Variants in ULK4 observed in about 807,000 individuals in gnomAD.
ULK4 encodes the protein unc-51 like kinase 4.
ULK4 carries 133 observed loss-of-function variants against 160.6 expected under a neutral mutation model. The ratio of observed to expected loss-of-function variants is 0.83; its 90% CI spans 0.72 to 0.96. ULK4 has a LOEUF of 0.96. ULK4 is among the 40% of genes least tolerant of loss of function. The pLI is 0.00. For synonymous variants in ULK4, 534 were observed against 539.8 expected, an observed-to-expected ratio of 0.99 and a Z score of 0.15; for missense variants, 1,580 against 1,499.5, an observed-to-expected ratio of 1.05 and a Z score of -0.89.
chr3:41,927,315 C>T (rs1205551450), intron 5 of ULK4, among the ~76,000 whole-genome samples: 1 of 152,162 alleles, frequency 6.6e-6, no homozygotes, highest in African/African-American at 2.4e-5. Flanking sequence ...CTTCTCACAA[C>T]CAGGCCTGCC....
rs1021107721 is a variant in ULK4, at chr3:41,666,402, T to C, written c.2979-2703A>G. 8.5e-5 allele frequency among the ~76,000 whole-genome samples: 13 copies of C among 152,208 alleles called. No homozygotes were observed. The East Asian group carries it at 2.5e-3, about 29-fold the overall frequency. ...CAGTCAAGGACCAGTTTCTTTAGAA[T>C]GTGCAAAGTCTGAACACCCTACACA... On this transcript the variant is annotated intron_variant, in intron 29 of 36. Transcript: ENST00000301831.
At chr3:41,788,350 AGT>A (rs998378783) in intron 21 of ULK4, among the ~76,000 whole-genome samples, 2 of 152,216 alleles carry the variant, frequency 1.3e-5, no homozygotes, top group Non-Finnish European at 1.5e-5. Context: ...ACTTCTAAGC[AGT>A]GTTACCTTCA....
At chr3:41,488,811 G>C (rs1475151657) in intron 32 of ULK4, among the ~76,000 whole-genome samples, 3 of 152,210 alleles carry the variant, frequency 2.0e-5, no homozygotes, top group Admixed American at 6.5e-5. Flanking sequence ...TTGGCCACTT[G>C]TGGGACATTA....
At chr3:41,775,210 T>TATA (rs371600602) in intron 21 of ULK4, among the ~76,000 whole-genome samples, 2 of 150,244 alleles carry the variant, frequency 1.3e-5, no homozygotes, top group African/African-American at 5.0e-5. Context: ...ACCCTAAAAG[T>TATA]ATAATAATAA....
At chr3:41,831,533 T>TA (rs763838679) in intron 18 of ULK4, among the ~76,000 whole-genome samples, 4 of 125,324 alleles carry the variant, frequency 3.2e-5, no homozygotes, top group African/African-American at 1.3e-4. Flanking sequence ...ATATATATAT[T>TA]TTTTTTTCTT....
rs77204641 is a variant in ULK4 at position 41,925,057 on chromosome 3, G to A, written c.542-5239C>T. The stretch of plus-strand genomic sequence containing the variant: ...AAGTATAGCAATTTTAACACCCCCG[G>A]CCCCACCTCACATACCAAGAATACA... On this transcript the variant is annotated intron_variant, in intron 5 of 36. Transcript: ENST00000301831. 8.0e-3 allele frequency among the ~76,000 whole-genome samples: 1,222 copies of A among 152,130 alleles called. 17 individuals are homozygous for A. The highest frequency in any genetic ancestry group is 0.028 in the African/African-American group (1,169 of 41,502).
intron 30 of ULK4, among the ~76,000 whole-genome samples, chr3:41,661,360 C>A (rs2035151601): frequency 6.6e-6 from 1 of 151,880 alleles, no homozygotes; most frequent in South Asian, 2.1e-4. Context: ...TAGTCAATCA[C>A]CACGAAGTGA....
intron 22 of ULK4, among the ~76,000 whole-genome samples, chr3:41,727,215 A>G (rs992097923): frequency 6.6e-6 from 1 of 152,224 alleles, no homozygotes; most frequent in Non-Finnish European, 1.5e-5. Context: ...CCTAATATCT[A>G]CACCAGTACA....
At chr3:41,901,479 C>CTTGTTTTTTTTTTTTTTTTTT (rs1698359125) in intron 12 of ULK4, among the ~76,000 whole-genome samples, 2 of 22,546 alleles carry the variant, frequency 8.9e-5, no homozygotes, top group Non-Finnish European at 1.7e-4. Context: ...CACGCCCAGC[C>CTTGTTTTTTTTTTTTTTTTTT]TTTTTTTTTT....
At chr3:41,547,020 T>TC (rs1206533314) in intron 32 of ULK4, among the ~76,000 whole-genome samples, 1 of 152,178 alleles carries the variant, frequency 6.6e-6, no homozygotes, top group Admixed American at 6.5e-5. Flanking sequence ...AACAGTTGCT[T>TC]CACATACTTT....
At chr3:41,311,527 G>A (rs2080048351) in intron 35 of ULK4, among the ~76,000 whole-genome samples, 1 of 152,104 alleles carries the variant, frequency 6.6e-6, no homozygotes, top group African/African-American at 2.4e-5. Flanking sequence ...GCAGCCTATT[G>A]TGGGACCTTG....
chr3:41,640,396 T>A (rs1326569719), intron 30 of ULK4, among the ~76,000 whole-genome samples: 1 of 152,158 alleles, frequency 6.6e-6, no homozygotes, highest in Non-Finnish European at 1.5e-5. Context: ...TGCAATAAAA[T>A]AATTACGGTA....
intron 32 of ULK4, among the ~76,000 whole-genome samples, chr3:41,504,322 G>T (rs2085308549): frequency 6.6e-6 from 1 of 152,118 alleles, no homozygotes; most frequent in Non-Finnish European, 1.5e-5. Context: ...TAAGATAGGG[G>T]CCTTTGTTTG....
At chr3:41,939,519 C>T (rs1224596874) in intron 2 of ULK4, among the ~76,000 whole-genome samples, 1 of 149,550 alleles carries the variant, frequency 6.7e-6, no homozygotes, top group Admixed American at 6.8e-5. Flanking sequence ...ATTCATTTTT[C>T]CCTATTGTCC....
intron 34 of ULK4, among the ~76,000 whole-genome samples, chr3:41,411,601 T>G (rs1427087647): frequency 6.6e-6 from 1 of 151,734 alleles, no homozygotes; most frequent in Non-Finnish European, 1.5e-5. Flanking sequence ...CCCATCTAAT[T>G]TTTGTATTTT....
chr3:41,294,654 G>A (rs952943743), intron 35 of ULK4, among the ~76,000 whole-genome samples: 9 of 152,058 alleles, frequency 5.9e-5, no homozygotes, highest in African/African-American at 9.7e-5. Flanking sequence ...GAACCAAAAC[G>A]TAAAGAAACA....
At chr3:41,398,388 C>T in intron 34 of ULK4, 124 bp from the exon 35 acceptor site, 1 of 726,212 alleles carries the variant, frequency 1.4e-6, no homozygotes, top group Non-Finnish European at 2.1e-6. Context: ...TACTTTTTTA[C>T]TTTTTTTTTT....
chr3:41,260,384 T>C (rs2078917555), intron 35 of ULK4, among the ~76,000 whole-genome samples: 1 of 152,210 alleles, frequency 6.6e-6, no homozygotes, highest in African/African-American at 2.4e-5. Flanking sequence ...CAAGTCCATA[T>C]TAACACATCC....
intron 30 of ULK4, among the ~76,000 whole-genome samples, chr3:41,638,080 T>C (rs1011968300): frequency 1.3e-5 from 2 of 152,186 alleles, no homozygotes; most frequent in African/African-American, 4.8e-5. Flanking sequence ...TGCCTTTGCT[T>C]TGAGTTCAAA....
Sources: gnomAD v4.1 joint callset for allele counts (sites outside exome capture counted in the v4.1 genomes callset) on GRCh38, gnomAD v4.1.1 for gene constraint, MANE v1.5 for transcripts, NCBI Gene and HGNC (gene_info 2026-07-23, HGNC 2026-07-21) for gene names.